MGLL: variants seen among roughly 807,000 people sequenced by gnomAD.
The protein encoded by MGLL is monoglyceride lipase, also known as lysophospholipase homolog.
In MGLL, 7 loss-of-function variants were observed where a neutral mutation model predicts 29.1. The ratio of observed to expected loss-of-function variants is 0.24; its 90% CI spans 0.14 to 0.45. The LOEUF is 0.45. Ranked by LOEUF, MGLL falls within the 20% of genes least tolerant of loss-of-function variation. The pLI is 0.99. For synonymous variants in MGLL, 148 were observed against 168.3 expected, an observed-to-expected ratio of 0.88 and a Z score of 0.93; for missense variants, 356 against 413.6, an observed-to-expected ratio of 0.86 and a Z score of 1.21.
rs576651312 is a variant in MGLL at position 127,772,788 on chromosome 3, C to G, written c.262+9001G>C. Among the ~76,000 whole-genome samples, 207 of 152,182 alleles carry G rather than the reference C, an allele frequency of 1.4e-3. 1 individual carries two copies. Among genetic ancestry groups the G allele is most frequent in the African/African-American group, 4.8e-3 (199 of 41,526 alleles). On this transcript the variant is annotated intron_variant, in intron 3 of 7. Coordinates refer to ENST00000265052, the MANE Select transcript of MGLL (RefSeq NM_007283.7). ...GTGGGGCCTTTGGGAGGTGATAGGT[C>G]ATGGGGGCAGAGGCCTCATGAATGG...
chr3:127,735,613 T>C (rs2076228470), intron 3 of MGLL: 1 of 1,320,784 alleles, frequency 7.6e-7, no homozygotes, highest in African/African-American at 1.5e-5. Context: ...AGCAAGAGAA[T>C]GAAACACAAA....
chr3:127,783,299 C>T (rs946538562), intron 2 of MGLL, among the ~76,000 whole-genome samples: 1 of 152,192 alleles, frequency 6.6e-6, no homozygotes, highest in Non-Finnish European at 1.5e-5. Context: ...TCAGGACAGA[C>T]GCTGCCTCGG....
chr3:127,759,818 T>C (rs2076731028), intron 3 of MGLL, among the ~76,000 whole-genome samples: 1 of 152,228 alleles, frequency 6.6e-6, no homozygotes, highest in Non-Finnish European at 1.5e-5. Flanking sequence ...ATGATTCTCC[T>C]TTTTTGGTAA....
chr3:127,718,942 A>G (rs984362425), intron 5 of MGLL, among the ~76,000 whole-genome samples: 1 of 152,234 alleles, frequency 6.6e-6, no homozygotes, highest in African/African-American at 2.4e-5. Flanking sequence ...GGCAGGGTGG[A>G]CGAATGCATC....
intron 3 of MGLL, among the ~76,000 whole-genome samples, chr3:127,766,535 A>G (rs2076858640): frequency 6.6e-6 from 1 of 152,008 alleles, no homozygotes; most frequent in Admixed American, 6.6e-5. Flanking sequence ...TCGCCTCCCA[A>G]CTGCGCCTTT....
At position 127,812,843 on chromosome 3, in the gene MGLL, C is replaced by T. The variant is rs148983014; in HGVS notation, c.155+8851G>A. On this transcript the variant is annotated intron_variant, in intron 2 of 7. Coordinates refer to ENST00000265052, the MANE Select transcript of MGLL (RefSeq NM_007283.7). ...GATGGGTCAGTAGCGTCTCTGGAGG[C>T]CCATACCTGGCTGGTGTTGATCGGG... Among the ~76,000 whole-genome samples the T allele has an allele frequency of 4.2e-3, 639 of 152,290 alleles. 8 individuals are homozygous for T. Among genetic ancestry groups the T allele is most frequent in the African/African-American group, 0.014 (593 of 41,546 alleles).
intron 2 of MGLL, among the ~76,000 whole-genome samples, chr3:127,789,347 T>A (rs2077264575): frequency 6.6e-6 from 1 of 152,120 alleles, no homozygotes; most frequent in African/African-American, 2.4e-5. Context: ...AATTTGAGAT[T>A]TGGGAACACA....
intron 3 of MGLL, among the ~76,000 whole-genome samples, chr3:127,742,337 C>G (rs1372887370): frequency 6.6e-6 from 1 of 152,052 alleles, no homozygotes; most frequent in Non-Finnish European, 1.5e-5. Context: ...TGCCTGTAAC[C>G]TCAGCACTTT....
chr3:127,689,286 T>C lies in MGLL; in HGVS notation c.*2912A>G, dbSNP rs528716457. ...AGAAGAGAGTGAGATGGGACCCAGGTGGGCCTGGAGGTGGGATCCTGTGGG... is the reference window on the plus strand; with the variant it reads ...AGAAGAGAGTGAGATGGGACCCAGGCGGGCCTGGAGGTGGGATCCTGTGGG... On this transcript the variant is annotated 3_prime_UTR_variant, in exon 8 of 8. Coordinates refer to ENST00000265052, the MANE Select transcript of MGLL (RefSeq NM_007283.7). 1.3e-5 allele frequency: 2 copies of C among 152,260 alleles called. No homozygotes were observed. The highest frequency in any genetic ancestry group is 4.2e-4 in the South Asian group (2 of 4,816). The allele number at this position is 152,260 out of a possible 1,614,324, so 9.4% of individuals were successfully genotyped here. A position where few individuals can be genotyped will look rare whatever the true frequency, so the allele number is the denominator to read the frequency against.
At chr3:127,800,497 A>G (rs2077456868) in intron 2 of MGLL, among the ~76,000 whole-genome samples, 2 of 152,206 alleles carry the variant, frequency 1.3e-5, no homozygotes, top group Admixed American at 1.3e-4. Context: ...GAACCATAGG[A>G]CCTGTAGTGA....
chr3:127,703,737 T>C lies in MGLL; in HGVS notation c.600+6839A>G, dbSNP rs1044571069. Among the ~76,000 whole-genome samples, 4 of 151,994 alleles carry C rather than the reference T, an allele frequency of 2.6e-5. No homozygotes were observed. The South Asian group carries it at 8.3e-4, about 31-fold the overall frequency. On this transcript the variant is annotated intron_variant, in intron 6 of 7. Transcript: ENST00000265052. Reference sequence around the variant, plus strand: ...AGAAAAAAACCCTTATGCTTCAGAGTACATTATCAGCAGAGGGAAAAGGCA... The same window carrying C: ...AGAAAAAAACCCTTATGCTTCAGAGCACATTATCAGCAGAGGGAAAAGGCA...
chr3:127,820,227 A>G (rs912901906), intron 2 of MGLL, among the ~76,000 whole-genome samples: 1 of 152,170 alleles, frequency 6.6e-6, no homozygotes, highest in Non-Finnish European at 1.5e-5. Context: ...AGTTTAAATT[A>G]AGAAGTTGAG....
At chr3:127,726,032 T>G in intron 3 of MGLL, among the ~76,000 whole-genome samples, 1 of 147,912 alleles carries the variant, frequency 6.8e-6, no homozygotes, top group Admixed American at 6.9e-5. Flanking sequence ...ACCACTGCTC[T>G]CCAGCCTGGA....
chr3:127,749,608 C>T (rs946790781), intron 3 of MGLL, among the ~76,000 whole-genome samples: 1 of 152,254 alleles, frequency 6.6e-6, no homozygotes, highest in African/African-American at 2.4e-5. Flanking sequence ...TTGCACCCCT[C>T]GCCAGTGCCT....
chr3:127,820,410 C>A (rs1032521325), intron 2 of MGLL, among the ~76,000 whole-genome samples: 1 of 152,200 alleles, frequency 6.6e-6, no homozygotes, highest in South Asian at 2.1e-4. Context: ...ACTGCAGAAC[C>A]TCTTTATTTT....
At chr3:127,821,572 C>T (rs1576330535) in intron 2 of MGLL, 122 bp downstream of exon 2, 5 of 1,054,264 alleles carry the variant, frequency 4.7e-6, no homozygotes, top group Non-Finnish European at 5.8e-6. Context: ...AACATTAAAA[C>T]GGCAGGGGAA....
intron 3 of MGLL, among the ~76,000 whole-genome samples, chr3:127,781,463 T>C (rs1413009172): frequency 6.6e-6 from 1 of 152,158 alleles, no homozygotes; most frequent in Non-Finnish European, 1.5e-5. Flanking sequence ...TTGAGGGCAC[T>C]TGGAGAAAAA....
intron 2 of MGLL, among the ~76,000 whole-genome samples, chr3:127,814,304 G>A (rs1304421529): frequency 6.6e-6 from 1 of 151,910 alleles, no homozygotes; most frequent in African/African-American, 2.4e-5. Flanking sequence ...ATGTCACCCC[G>A]TTTCACTCGC....
At chr3:127,777,635 C>T (rs1396022304) in intron 3 of MGLL, among the ~76,000 whole-genome samples, 1 of 135,584 alleles carries the variant, frequency 7.4e-6, no homozygotes, top group Non-Finnish European at 1.7e-5. Flanking sequence ...CTAAGTAGTA[C>T]CAGCTGAGCA....
Sources: gnomAD v4.1 joint callset for allele counts (sites outside exome capture counted in the v4.1 genomes callset) on GRCh38, gnomAD v4.1.1 for gene constraint, MANE v1.5 for transcripts, NCBI Gene and HGNC (gene_info 2026-07-23, HGNC 2026-07-21) for gene names.